RALB: variants seen among roughly 807,000 people sequenced by gnomAD.
RALB encodes RAS like proto-oncogene B.
A neutral mutation model predicts 21.3 loss-of-function variants in RALB; 16 were observed. The ratio of observed to expected loss-of-function variants is 0.75; its 90% CI spans 0.51 to 1.14. RALB has a LOEUF of 1.14. RALB is among the 50% of genes most tolerant of loss of function. RALB has a pLI of 0.00. For missense variants in RALB, 161 were observed against 256.2 expected, an observed-to-expected ratio of 0.63 and a Z score of 2.54; for synonymous variants, 93 against 96.1, an observed-to-expected ratio of 0.97 and a Z score of 0.19.
chr2:120,279,127 A>G (rs1406812772), intron 2 of RALB, among the ~76,000 whole-genome samples: 2 of 152,180 alleles, frequency 1.3e-5, no homozygotes, highest in African/African-American at 2.4e-5. Context: ...TTGTCAGTCA[A>G]TCGCGAAGTG....
intron 1 of RALB, among the ~76,000 whole-genome samples, chr2:120,278,042 T>C (rs79557681): frequency 8.8e-5 from 11 of 125,504 alleles, no homozygotes; most frequent in African/African-American, 3.0e-4. Flanking sequence ...AGAGCGTGAG[T>C]GTGTGTGAAT....
intron 3 of RALB, among the ~76,000 whole-genome samples, chr2:120,289,119 T>C (rs1690244151): frequency 6.6e-6 from 1 of 152,212 alleles, no homozygotes; most frequent in African/African-American, 2.4e-5. Context: ...ACCTTCCATA[T>C]AGAAAACACT....
At chr2:120,253,650 G>A (rs1689119505) in intron 1 of RALB, 1 of 985,390 alleles carries the variant, frequency 1.0e-6, no homozygotes, top group Non-Finnish European at 1.2e-6. Flanking sequence ...GGAGCTTGCT[G>A]CGTCCACACT....
rs530170257 is a variant in RALB at position 120,262,941 on chromosome 2, G to A, written c.-48+9961G>A. Among the ~76,000 whole-genome samples, 3 of 152,286 alleles carry A rather than the reference G, an allele frequency of 2.0e-5. No individual in the cohort carries two copies. In the East Asian group the frequency reaches 5.8e-4, roughly 29 times the overall value. ...TCCACTGCCCTGAGACGTAGGCAGGGCAGATATTGTCAGTGAGTGGGAGTG... is the reference window on the plus strand; with the variant it reads ...TCCACTGCCCTGAGACGTAGGCAGGACAGATATTGTCAGTGAGTGGGAGTG... On this transcript the variant is annotated intron_variant, in intron 1 of 4. Coordinates refer to ENST00000272519, the MANE Select transcript of RALB (RefSeq NM_002881.3).
Position 120,253,302 on chromosome 2 carries a change from C to G in RALB, c.-48+322C>G, listed in dbSNP as rs1377765954. On this transcript the variant is annotated intron_variant, in intron 1 of 4. Transcript: ENST00000272519. The stretch of plus-strand genomic sequence containing the variant: ...GCTTCCACTTCCTGCCGCGGGCCTC[C>G]CGCTCGGGACCGTCCACTTCCTCAG... 3 of 796,798 alleles carry G rather than the reference C, an allele frequency of 3.8e-6. No individual in the cohort carries two copies. In the East Asian group the frequency reaches 3.8e-4, roughly 100 times the overall value. 49.4% of individuals were successfully genotyped at this position (796,798 alleles called of 1,614,324 possible). A position where few individuals can be genotyped will look rare whatever the true frequency, so the allele number is the denominator to read the frequency against.
At chr2:120,254,517 T>G (rs1250863948) in intron 1 of RALB, among the ~76,000 whole-genome samples, 1 of 152,182 alleles carries the variant, frequency 6.6e-6, no homozygotes, top group Non-Finnish European at 1.5e-5. Flanking sequence ...TTTTGGGAAC[T>G]TGGGACCTAG....
chr2:120,245,895 G>A (rs1230379601), intron 1 of RALB, among the ~76,000 whole-genome samples: 1 of 152,134 alleles, frequency 6.6e-6, no homozygotes, highest in African/African-American at 2.4e-5. Context: ...CTTAGCCATG[G>A]TAAAAAATTA....
intron 1 of RALB, among the ~76,000 whole-genome samples, chr2:120,273,252 G>T (rs1027517070): frequency 1.3e-5 from 2 of 152,180 alleles, no homozygotes; most frequent in African/African-American, 4.8e-5. Context: ...GGTTGGTTGG[G>T]GATGCAACTA....
chr2:120,288,454 GCATTACAGATGT>G (rs1233630441), intron 3 of RALB, among the ~76,000 whole-genome samples: 1 of 148,338 alleles, frequency 6.7e-6, no homozygotes, highest in East Asian at 2.0e-4. Flanking sequence ...CAGAGTGCTG[GCATTACAGATGT>G]GAGCCACCAC....
intron 1 of RALB, among the ~76,000 whole-genome samples, chr2:120,257,418 C>T (rs1689226411): frequency 6.6e-6 from 1 of 152,148 alleles, no homozygotes; most frequent in South Asian, 2.1e-4. Context: ...CCTGAAGTGC[C>T]TATAGGTGGA....
intron 1 of RALB, among the ~76,000 whole-genome samples, chr2:120,245,145 A>G (rs1688951079): frequency 6.6e-6 from 1 of 152,170 alleles, no homozygotes; most frequent in Admixed American, 6.5e-5. Flanking sequence ...ACTGACTGTC[A>G]CTTTATAGAT....
Position 120,293,517 on chromosome 2 carries a change from A to G in RALB, c.*257A>G, listed in dbSNP as rs2104672877. On this transcript the variant is annotated 3_prime_UTR_variant, in exon 5 of 5. Transcript: ENST00000272519. ...CTTCTTCCCTCCCAAAAGCTTAGCT[A>G]TGTATAAAGTGCCACAGATAGGAAA... 2 of 252,190 alleles carry G rather than the reference A, an allele frequency of 7.9e-6. No individual in the cohort carries two copies. Among genetic ancestry groups the G allele is most frequent in the Non-Finnish European group, 1.5e-5 (2 of 133,132 alleles). The allele number at this position is 252,190 out of a possible 1,614,324, so 15.6% of individuals were successfully genotyped here.
chr2:120,259,322 T>C lies in RALB; in HGVS notation c.-48+6342T>C, dbSNP rs546155005. Among the ~76,000 whole-genome samples the C allele has an allele frequency of 5.3e-5, 8 of 152,314 alleles. No homozygotes were observed. In the East Asian group the frequency reaches 7.7e-4, roughly 15 times the overall value. On this transcript the variant is annotated intron_variant, in intron 1 of 4. Coordinates refer to ENST00000272519, the MANE Select transcript of RALB (RefSeq NM_002881.3). The stretch of plus-strand genomic sequence containing the variant: ...ATGGCCTGTTTTGTCAGGGCGCTGA[T>C]TGGTGCGTTTACAATCCCTGAGCTA...
upstream of RALB, among the ~76,000 whole-genome samples, chr2:120,251,930 T>C (rs1046236218): frequency 6.6e-6 from 1 of 152,124 alleles, no homozygotes; most frequent in Admixed American, 6.5e-5. Context: ...AAGCCTCCAA[T>C]ATAGTATACA....
Position 120,254,502 on chromosome 2 carries a change from A to G in RALB, c.-48+1522A>G, listed in dbSNP as rs1056034109. On this transcript the variant is annotated intron_variant, in intron 1 of 4. Coordinates refer to ENST00000272519, the MANE Select transcript of RALB (RefSeq NM_002881.3). ...TGTGGAAAATAGTGTAAGTTATTAG[A>G]TATCTTTTGGGAACTTGGGACCTAG... Among the ~76,000 whole-genome samples, 3 of 152,262 alleles carry G rather than the reference A, an allele frequency of 2.0e-5. No individual in the cohort carries two copies. The South Asian group carries it at 6.2e-4, about 32-fold the overall frequency.
intron 1 of RALB, among the ~76,000 whole-genome samples, chr2:120,258,168 A>C (rs1286984583): frequency 6.6e-6 from 1 of 152,158 alleles, no homozygotes; most frequent in African/African-American, 2.4e-5. Flanking sequence ...GTGGCTTTCC[A>C]GTGCTTTCAG....
At chr2:120,264,340 C>T (rs1056588205) in intron 1 of RALB, among the ~76,000 whole-genome samples, 13 of 148,912 alleles carry the variant, frequency 8.7e-5, no homozygotes, top group South Asian at 4.3e-4. Context: ...TTAGTAGAGA[C>T]GGGGTTTCAC....
intron 1 of RALB, among the ~76,000 whole-genome samples, chr2:120,275,446 C>G (rs530464147): frequency 6.6e-6 from 1 of 152,342 alleles, no homozygotes; most frequent in East Asian, 1.9e-4. Context: ...GCCTTGGCTG[C>G]TCATGAGGAT....
intron 1 of RALB, among the ~76,000 whole-genome samples, chr2:120,261,129 G>T (rs567364020): frequency 1.1e-4 from 16 of 152,270 alleles, no homozygotes; most frequent in Non-Finnish European, 2.4e-4. Flanking sequence ...TCCTATAGAG[G>T]AATTGTGTCA....
Sources: allele counts gnomAD v4.1 joint callset (sites outside exome capture counted in the v4.1 genomes callset), GRCh38; gene constraint gnomAD v4.1.1; transcripts MANE v1.5; gene names NCBI Gene and HGNC (gene_info 2026-07-23, HGNC 2026-07-21).